GLCCI1: variants seen among roughly 807,000 people sequenced by gnomAD.
The protein encoded by GLCCI1 is glucocorticoid-induced transcript 1 protein.
Under a neutral mutation model 52.2 loss-of-function variants are expected in GLCCI1, and 24 were observed. The ratio of observed to expected loss-of-function variants is 0.46; its 90% CI spans 0.33 to 0.65. GLCCI1 has a LOEUF of 0.65. Among genes scored for constraint, GLCCI1 ranks in the 30% least tolerant of loss-of-function variants. The pLI, the probability that GLCCI1 is intolerant of heterozygous loss-of-function variation, is 0.02. For synonymous variants in GLCCI1, 310 were observed against 276.5 expected (o/e 1.12, Z -1.20); for missense variants, 704 against 701.5 (o/e 1.00, Z -0.04).
chr7:8,020,715 A>G (rs1781466682), intron 2 of GLCCI1, among the ~76,000 whole-genome samples: 1 of 152,238 alleles, frequency 6.6e-6, no homozygotes, highest in African/African-American at 2.4e-5. Flanking sequence ...CTGTGAATAT[A>G]CTTTGAGTTA....
In GLCCI1 at chr7:8,041,801, A is replaced by C. The variant is rs1782004909; in HGVS notation, c.697-13632A>C. Among the ~76,000 whole-genome samples the C allele has an allele frequency of 2.0e-5, 3 of 152,018 alleles. No homozygotes were observed. In the South Asian group the frequency reaches 6.2e-4, roughly 32 times the overall value. On this transcript the variant is annotated intron_variant, in intron 3 of 7. Coordinates refer to ENST00000223145, the MANE Select transcript of GLCCI1 (RefSeq NM_138426.4). ...GAGACAAGGTCTCATTATGTTGCCC[A>C]GACTGGTCTCGAACTCCTGGGCTCA...
intron 3 of GLCCI1, among the ~76,000 whole-genome samples, chr7:8,048,201 G>C (rs1782177431): frequency 6.6e-6 from 1 of 152,208 alleles, no homozygotes; most frequent in East Asian, 1.9e-4. Context: ...GAGATCCCCT[G>C]TTCTGCACAT....
At chr7:8,013,913 T>A (rs897096518) in intron 2 of GLCCI1, among the ~76,000 whole-genome samples, 12 of 152,144 alleles carry the variant, frequency 7.9e-5, no homozygotes, top group African/African-American at 2.9e-4. Flanking sequence ...TTTCTTGGTA[T>A]GTGTCCTCTT....
intron 1 of GLCCI1, among the ~76,000 whole-genome samples, chr7:7,978,643 G>A (rs1441625483): frequency 6.6e-6 from 1 of 152,096 alleles, no homozygotes; most frequent in African/African-American, 2.4e-5. Flanking sequence ...GAGAGCAAAA[G>A]TATTATATAG....
chr7:8,025,511 T>A (rs181191965), intron 3 of GLCCI1, among the ~76,000 whole-genome samples: 1 of 152,026 alleles, frequency 6.6e-6, no homozygotes, highest in African/African-American at 2.4e-5. Flanking sequence ...GATAAGTCAA[T>A]AGAATTTATA....
chr7:8,054,625 T>G (rs961583217), intron 3 of GLCCI1, among the ~76,000 whole-genome samples: 8 of 152,134 alleles, frequency 5.3e-5, no homozygotes, highest in South Asian at 4.1e-4. Context: ...ATACATTATA[T>G]CTTTGTTGTA....
Position 7,969,436 on chromosome 7 carries a change from GGTCCCCGCCCGCC to G in GLCCI1, c.90_102del (p.Ala33ProfsTer131), listed in dbSNP as rs1780288908. 8.0e-7 allele frequency: 1 copy of G among 1,253,010 alleles called. No homozygotes were observed. The highest frequency in any genetic ancestry group is 1.0e-6 in the Non-Finnish European group (1 of 995,070). 77.6% of individuals were successfully genotyped at this position (1,253,010 alleles called of 1,614,324 possible). A position where few individuals can be genotyped will look rare whatever the true frequency, so the allele number is the denominator to read the frequency against. ...CAGAGGATGAGGCGCAGCGCCGCGG[GGTCCCCGCCCGCC>G]GTCGCCGCCGCCGGGAGCGGGAACG... On this transcript the variant is annotated frameshift_variant, in exon 1 of 8. Transcript: ENST00000223145. LOFTEE classifies it high-confidence loss of function. The surrounding 1 kb of genome is among the most constrained non-coding windows in gnomAD (Gnocchi z 4.9).
At chr7:8,072,070 T>G (rs1782774589) in intron 6 of GLCCI1, among the ~76,000 whole-genome samples, 1 of 152,148 alleles carries the variant, frequency 6.6e-6, no homozygotes, top group African/African-American at 2.4e-5. Flanking sequence ...ACTACCTACA[T>G]CAAGTATAGA....
chr7:8,085,132 G>A (rs532122399), intron 7 of GLCCI1, 115 bp downstream of exon 7: 4 of 1,158,188 alleles, frequency 3.5e-6, no homozygotes, highest in East Asian at 2.4e-5. Context: ...TGTTTCAAGA[G>A]CAAATTATGT....
intron 1 of GLCCI1, chr7:7,981,479 C>T (rs758650532): frequency 3.3e-4 from 65 of 197,520 alleles, no homozygotes; most frequent in Middle Eastern, 1.9e-3. Context: ...TGTGCCACCA[C>T]ACCTGGCTAA....
intron 2 of GLCCI1, among the ~76,000 whole-genome samples, chr7:8,016,929 G>T (rs1470578521): frequency 6.6e-6 from 1 of 152,264 alleles, no homozygotes; most frequent in East Asian, 1.9e-4. Context: ...TGAACATTAG[G>T]TCTGGACTGG....
chr7:8,059,803 A>ATG (rs1170566435), intron 4 of GLCCI1, among the ~76,000 whole-genome samples: 1 of 152,234 alleles, frequency 6.6e-6, no homozygotes, highest in Admixed American at 6.5e-5. Flanking sequence ...AAGGAAAACA[A>ATG]TGTAAATAAT....
intron 5 of GLCCI1, among the ~76,000 whole-genome samples, chr7:8,069,396 A>G (rs1782704161): frequency 6.6e-6 from 1 of 151,902 alleles, no homozygotes; most frequent in Non-Finnish European, 1.5e-5. Flanking sequence ...TTCCTAGTAC[A>G]AGGGTAGCAA....
intron 6 of GLCCI1, among the ~76,000 whole-genome samples, chr7:8,077,331 G>T (rs977614044): frequency 6.6e-6 from 1 of 152,214 alleles, no homozygotes; most frequent in African/African-American, 2.4e-5. Flanking sequence ...GGCAGACCCA[G>T]TGAAGCTCTT....
At chr7:8,032,206 T>C (rs1781768742) in intron 3 of GLCCI1, among the ~76,000 whole-genome samples, 1 of 152,058 alleles carries the variant, frequency 6.6e-6, no homozygotes, top group South Asian at 2.1e-4. Context: ...TTTTTTAATA[T>C]TTTCAATTGA....
At position 8,060,230 on chromosome 7, in the gene GLCCI1, G is replaced by C. The variant is rs146645978; in HGVS notation, c.948G>C (p.Gly316=). 708 of 1,610,944 alleles carry C rather than the reference G, an allele frequency of 4.4e-4. 3 individuals are homozygous for C. The African/African-American group carries it at 8.7e-3, about 20-fold the overall frequency. The change falls in exon 5 of 8, where the codon GGG becomes GGC. Residue 316 remains glycine (G), a synonymous_variant. Coordinates refer to ENST00000223145, the MANE Select transcript of GLCCI1 (RefSeq NM_138426.4). ...AGGTATTCATTAAAGAAAATAATGGGAAGGAAGAAGTATCCAAGGTAAGGT... is the reference window on the plus strand; with the variant it reads ...AGGTATTCATTAAAGAAAATAATGGCAAGGAAGAAGTATCCAAGGTAAGGT... ...LEKVFIKENN[G]KEEVSKPLDI... is the part of the protein sequence containing the mutation.
chr7:8,085,611 C>G (rs1412460565), intron 7 of GLCCI1, among the ~76,000 whole-genome samples: 1 of 152,108 alleles, frequency 6.6e-6, no homozygotes, highest in East Asian at 1.9e-4. Flanking sequence ...GGGTGCAGTG[C>G]TCTTGCAACA....
In GLCCI1 at chr7:7,969,615, G is replaced by A. The variant is rs1425490774; in HGVS notation, c.265G>A (p.Ala89Thr). Residue 89 changes from alanine to threonine, a missense_variant, in exon 1 of 8, where the codon GCC becomes ACC. Transcript: ENST00000223145. The surrounding 1 kb of genome is among the most constrained non-coding windows in gnomAD (Gnocchi z 4.9). ...CACGCGTCCGCCCGTCGCCGCTGCC[G>A]CCGCCTCGCTGGGCAGCCTCCCGGG... ...SPTRPPVAAA[A>T]ASLGSLPGPG... 9.7e-7 allele frequency: 1 copy of A among 1,027,734 alleles called. No homozygotes were observed. Among genetic ancestry groups the A allele is most frequent in the South Asian group, 3.6e-5 (1 of 27,576 alleles). The allele number at this position is 1,027,734 out of a possible 1,614,324, so 63.7% of individuals were successfully genotyped here.
chr7:8,076,592 G>C (rs1320864293), intron 6 of GLCCI1, among the ~76,000 whole-genome samples: 1 of 152,164 alleles, frequency 6.6e-6, no homozygotes, highest in Non-Finnish European at 1.5e-5. Context: ...TACTGTGATA[G>C]CTATGAGTTA....
Sources: gnomAD v4.1 joint callset for allele counts (sites outside exome capture counted in the v4.1 genomes callset) on GRCh38, gnomAD v4.1.1 for gene constraint, Gnocchi (gnomAD v3.1) non-coding constraint, MANE v1.5 for transcripts, NCBI Gene and HGNC (gene_info 2026-07-23, HGNC 2026-07-21) for gene names.